The following ATAD2B variants were observed in gnomAD, a reference collection of about 807,000 sequenced individuals.
The protein encoded by ATAD2B is ATPase family AAA domain-containing protein 2B.
ATAD2B carries 40 observed loss-of-function variants against 167.6 expected under a neutral mutation model. The observed-to-expected ratio is 0.24, with a 90% confidence interval of 0.19 to 0.31. The LOEUF is 0.31. ATAD2B is among the 10% of genes least tolerant of loss of function. The pLI is 1.00. For synonymous variants in ATAD2B, 579 were observed against 596.5 expected (o/e 0.97, Z 0.43); for missense variants, 1,242 against 1,757.2 (o/e 0.71, Z 5.24).
chr2:23,891,039 GAGGTGGAGTCTTGCTCAGCCACCC>G (rs1699404666), intron 2 of ATAD2B, among the ~76,000 whole-genome samples: 1 of 102,434 alleles, frequency 9.8e-6, no homozygotes, highest in Non-Finnish European at 2.0e-5. Context: ...TTTTTTTTTT[GAGGTGGAGTCTTGCTCAGCCACCC>G]AGGCTGGAGT....
chr2:23,855,763 C>T (rs1266294701), intron 13 of ATAD2B, among the ~76,000 whole-genome samples: 1 of 152,184 alleles, frequency 6.6e-6, no homozygotes, highest in Non-Finnish European at 1.5e-5. Flanking sequence ...GTACTGCATG[C>T]CTGTAGTTCT....
In ATAD2B at chr2:23,878,025, A is replaced by AAAAAAAAG. The variant is rs1697240614; in HGVS notation, c.902-2122_902-2121insCTTTTTTT. On this transcript the variant is annotated intron_variant, in intron 7 of 27. Transcript: ENST00000238789. ...ACCCTATCTCCAAAGAAAAAAAAAA[A>AAAAAAAAG]AAAAAAAAAAAAAAGCAAAATGTAT... Among the ~76,000 whole-genome samples the AAAAAAAAG allele has an allele frequency of 5.0e-4, 53 of 106,962 alleles. 1 individual carries two copies. The East Asian group carries it at 6.5e-3, about 13-fold the overall frequency. The allele number at this position is 106,962 out of a possible 152,430, so 70.2% of individuals were successfully genotyped here. A position where few individuals can be genotyped will look rare whatever the true frequency, so the allele number is the denominator to read the frequency against.
the ATAD2B span, among the ~76,000 whole-genome samples, chr2:23,731,357 A>G: frequency 6.6e-6 from 1 of 152,330 alleles, no homozygotes; most frequent in South Asian, 2.1e-4. Context: ...TGAATAAGGA[A>G]TAAGATTACA....
At chr2:23,744,740 T>C (rs966536957), downstream of ATAD2B, among the ~76,000 whole-genome samples, 1 of 152,096 alleles carries the variant, frequency 6.6e-6, no homozygotes, top group Non-Finnish European at 1.5e-5. Context: ...TATTACCTTC[T>C]CAAATAAAAT....
At chr2:23,680,366 A>G in the ATAD2B span, among the ~76,000 whole-genome samples, 25 of 152,258 alleles carry the variant, frequency 1.6e-4, no homozygotes, top group South Asian at 5.0e-3. This position sits in a 1 kb window ranked among gnomAD's most constrained non-coding sequence, Gnocchi z 4.1. Flanking sequence ...TGCAGGAGGA[A>G]GTGGGGAAAG....
chr2:23,703,288 T>A, the ATAD2B span: 5 of 1,549,270 alleles, frequency 3.2e-6, no homozygotes, highest in East Asian at 1.2e-4. Context: ...ACGTGTTTGG[T>A]GGGGTGAACG....
downstream of ATAD2B, among the ~76,000 whole-genome samples, chr2:23,747,442 A>G (rs1674955918): frequency 6.6e-6 from 1 of 152,024 alleles, no homozygotes; most frequent in African/African-American, 2.4e-5. Flanking sequence ...AAGGTCACAC[A>G]CACAAAAAAA....
chr2:23,804,938 T>C (rs1455222073), intron 18 of ATAD2B, among the ~76,000 whole-genome samples: 1 of 150,438 alleles, frequency 6.6e-6, no homozygotes, highest in Non-Finnish European at 1.5e-5. Flanking sequence ...AGGTCAGGAG[T>C]TCCAGACCAG....
intron 25 of ATAD2B, chr2:23,754,997 G>C (rs1329330311): frequency 7.6e-6 from 3 of 395,174 alleles, no homozygotes; most frequent in East Asian, 4.6e-5. Flanking sequence ...AAAAAGCCAA[G>C]TCATACTAAA....
At chr2:23,737,383 G>A in the ATAD2B span, among the ~76,000 whole-genome samples, 1 of 152,182 alleles carries the variant, frequency 6.6e-6, no homozygotes, top group South Asian at 2.1e-4. Context: ...AGCATTTGCG[G>A]TTCACCAATA....
At chr2:23,849,890 T>C (rs1302456668) in intron 13 of ATAD2B, among the ~76,000 whole-genome samples, 5 of 152,264 alleles carry the variant, frequency 3.3e-5, no homozygotes, top group Non-Finnish European at 7.4e-5. Context: ...TATTTTATAT[T>C]TATAGAACAC....
chr2:23,837,277 G>A (rs1690147382), intron 13 of ATAD2B, among the ~76,000 whole-genome samples: 1 of 152,342 alleles, frequency 6.6e-6, no homozygotes, highest in East Asian at 1.9e-4. Context: ...AGGCGCAGGA[G>A]TGGGGAGAGG....
At position 23,875,958 on chromosome 2, in the gene ATAD2B, T is replaced by C; in HGVS notation, c.902-54A>G. 5 of 1,290,096 alleles carry C rather than the reference T, an allele frequency of 3.9e-6. No homozygotes were observed. The Admixed American group carries it at 6.1e-5, about 16-fold the overall frequency. 79.9% of individuals were successfully genotyped at this position (1,290,096 alleles called of 1,614,324 possible). A position where few individuals can be genotyped will look rare whatever the true frequency, so the allele number is the denominator to read the frequency against. ...AATAACTAATAAATTGATAAATTAA[T>C]GTATTAAAGGAGTAGAAATGACTTC... On this transcript the variant is annotated intron_variant, in intron 7 of 27. Transcript: ENST00000238789.
intron 17 of ATAD2B, among the ~76,000 whole-genome samples, chr2:23,814,100 G>GA (rs1407060562): frequency 6.6e-6 from 1 of 151,764 alleles, no homozygotes; most frequent in South Asian, 2.1e-4. Flanking sequence ...CAAAATTATT[G>GA]AAAAAACATA....
At position 23,926,652 on chromosome 2, in the gene ATAD2B, G is replaced by A. The variant is rs550380528; in HGVS notation, c.119C>T (p.Ser40Phe). 5 of 1,562,976 alleles carry A rather than the reference G, an allele frequency of 3.2e-6. No individual in the cohort carries two copies. Among genetic ancestry groups the A allele is most frequent in the Admixed American group, 3.8e-5 (2 of 52,698 alleles). ...GGTCTTGGAGGAGCGGGTCCGAGAG[G>A]AGATGAAATGGCTGCTGCCTCCGGT... is the stretch of plus-strand genomic sequence containing the variant. ...GATGGSSHFISSRTRSSKTRA... is the reference protein window; with the variant it reads ...GATGGSSHFIFSRTRSSKTRA... The change falls in exon 1 of 28, where the codon TCC becomes TTC. Residue 40 changes from serine (S) to phenylalanine (F), a missense_variant. Coordinates refer to ENST00000238789, the MANE Select transcript of ATAD2B (RefSeq NM_017552.4).
intron 27 of ATAD2B, 94 bp downstream of exon 27, chr2:23,754,085 A>G: frequency 9.9e-7 from 1 of 1,006,806 alleles, no homozygotes; most frequent in Middle Eastern, 3.3e-4. Flanking sequence ...TTGGTAAAAG[A>G]CATAGATGTA....
At chr2:23,760,743 CACACACAT>C (rs1676614510) in intron 24 of ATAD2B, among the ~76,000 whole-genome samples, 2 of 121,644 alleles carry the variant, frequency 1.6e-5, no homozygotes, top group African/African-American at 2.8e-5. Context: ...TACACACACA[CACACACAT>C]ACACACACAC....
At chr2:23,807,999 CAGTA>C (rs1483081645) in intron 18 of ATAD2B, among the ~76,000 whole-genome samples, 202 of 81,376 alleles carry the variant, frequency 2.5e-3, no homozygotes, top group African/African-American at 9.7e-3. Context: ...AAATTTAGCA[CAGTA>C]ATTTATATAT....
chr2:23,911,177 C>T (rs779096631), intron 1 of ATAD2B, among the ~76,000 whole-genome samples: 2 of 150,896 alleles, frequency 1.3e-5, no homozygotes, highest in Non-Finnish European at 2.9e-5. Context: ...GCCGAGATTG[C>T]ACCATTGCAC....
Sources: allele counts gnomAD v4.1 joint callset (sites outside exome capture counted in the v4.1 genomes callset), GRCh38; gene constraint gnomAD v4.1.1; non-coding constraint Gnocchi (gnomAD v3.1); transcripts MANE v1.5; gene names NCBI Gene and HGNC (gene_info 2026-07-23, HGNC 2026-07-21).